The following HIVEP3 variants were observed in gnomAD, a reference collection of about 807,000 sequenced individuals.
HIVEP3 encodes transcription factor HIVEP3.
In HIVEP3, 49 loss-of-function variants were observed where a neutral mutation model predicts 152.8. The ratio of observed to expected loss-of-function variants is 0.32; its 90% CI spans 0.26 to 0.41. The LOEUF (loss-of-function observed/expected upper bound fraction) is 0.41. Ranked by LOEUF, HIVEP3 falls within the 10% of genes least tolerant of loss-of-function variation. HIVEP3 has a pLI of 1.00. For missense variants in HIVEP3, 2,790 were observed against 3,103.3 expected (o/e 0.90, Z 2.40); for synonymous variants, 1,269 against 1,289.0 (o/e 0.98, Z 0.33).
chr1:42,007,771 C>A (rs1645468367), intron 1 of HIVEP3, among the ~76,000 whole-genome samples: 1 of 151,936 alleles, frequency 6.6e-6, no homozygotes, highest in Non-Finnish European at 1.5e-5. Context: ...CCATAATATG[C>A]CAATATTTGT....
chr1:41,781,661 C>T (rs1570525446), intron 1 of HIVEP3, among the ~76,000 whole-genome samples: 1 of 152,318 alleles, frequency 6.6e-6, no homozygotes, highest in African/African-American at 2.4e-5. Flanking sequence ...TTCCCAGGGT[C>T]AATGGGATAG....
At chr1:42,013,892 C>T (rs1048048464) in intron 1 of HIVEP3, among the ~76,000 whole-genome samples, 1 of 152,150 alleles carries the variant, frequency 6.6e-6, no homozygotes, top group African/African-American at 2.4e-5. Flanking sequence ...TTACATTGCC[C>T]TCCATAATAT....
At chr1:41,977,477 G>A (rs1269350705) in intron 1 of HIVEP3, among the ~76,000 whole-genome samples, 1 of 152,140 alleles carries the variant, frequency 6.6e-6, no homozygotes, top group Non-Finnish European at 1.5e-5. Flanking sequence ...GCCAGCCGCC[G>A]GTGGAGGGAG....
At chr1:41,648,443 C>T (rs1482648276) in intron 2 of HIVEP3, among the ~76,000 whole-genome samples, 1 of 152,168 alleles carries the variant, frequency 6.6e-6, no homozygotes, top group Non-Finnish European at 1.5e-5. Flanking sequence ...GACTGGACCT[C>T]TGTGTGCCAG....
intron 1 of HIVEP3, among the ~76,000 whole-genome samples, chr1:41,871,506 G>A (rs1174727529): frequency 6.6e-6 from 1 of 152,010 alleles, no homozygotes; most frequent in Non-Finnish European, 1.5e-5. Context: ...GTTGCTTCAT[G>A]GAACTGAAAT....
intron 1 of HIVEP3, among the ~76,000 whole-genome samples, chr1:42,018,999 T>C (rs985655493): frequency 2.6e-5 from 4 of 152,076 alleles, no homozygotes; most frequent in Admixed American, 2.0e-4. Flanking sequence ...AGCTTGTCTG[T>C]TTTTATCTTG....
chr1:41,882,058 T>C (rs552123683), intron 1 of HIVEP3, among the ~76,000 whole-genome samples: 4 of 152,344 alleles, frequency 2.6e-5, no homozygotes, highest in East Asian at 1.9e-4. Context: ...TGGCTTAATG[T>C]TTTTGTAGAC....
chr1:41,672,823 CT>C (rs1645898408), intron 2 of HIVEP3, among the ~76,000 whole-genome samples: 2 of 152,196 alleles, frequency 1.3e-5, no homozygotes, highest in Admixed American at 1.3e-4. Flanking sequence ...GGGACCATGC[CT>C]GGATTCCCTT....
At chr1:41,532,678 CA>C (rs1643296919) in intron 5 of HIVEP3, among the ~76,000 whole-genome samples, 1 of 152,068 alleles carries the variant, frequency 6.6e-6, no homozygotes, top group Non-Finnish European at 1.5e-5. Flanking sequence ...AAGGAGAAAC[CA>C]AGATCCAGAA....
intron 3 of HIVEP3, among the ~76,000 whole-genome samples, chr1:41,617,647 A>G (rs1268582464): frequency 6.6e-6 from 1 of 152,228 alleles, no homozygotes; most frequent in Non-Finnish European, 1.5e-5. Context: ...TGCACAGGAG[A>G]TATCAACAGT....
chr1:41,720,154 G>T (rs1053134096), intron 1 of HIVEP3, among the ~76,000 whole-genome samples: 1 of 152,026 alleles, frequency 6.6e-6, no homozygotes, highest in Non-Finnish European at 1.5e-5. Context: ...CATCTACATC[G>T]CAGATGCCAA....
chr1:41,895,079 C>T (rs1468957524), intron 1 of HIVEP3, among the ~76,000 whole-genome samples: 1 of 151,864 alleles, frequency 6.6e-6, no homozygotes, highest in African/African-American at 2.4e-5. Flanking sequence ...AAGATAAGCC[C>T]CACGCTGGAA....
chr1:41,721,690 A>G (rs1364998420), intron 1 of HIVEP3, among the ~76,000 whole-genome samples: 2 of 152,234 alleles, frequency 1.3e-5, no homozygotes, highest in African/African-American at 4.8e-5. Context: ...TGAAGGAAGT[A>G]TCATTATCAT....
chr1:41,589,076 T>C (rs1241982448), intron 3 of HIVEP3, among the ~76,000 whole-genome samples: 1 of 152,170 alleles, frequency 6.6e-6, no homozygotes, highest in East Asian at 1.9e-4. Context: ...CTACCTTCTG[T>C]GGTTCTGAGG....
chr1:41,795,123 A>G (rs745540486), intron 1 of HIVEP3, among the ~76,000 whole-genome samples: 3 of 152,222 alleles, frequency 2.0e-5, no homozygotes, highest in Non-Finnish European at 2.9e-5. Context: ...GATTTCACCA[A>G]TGTTTTCTTG....
chr1:41,596,503 G>A (rs1330784456), intron 3 of HIVEP3, among the ~76,000 whole-genome samples: 1 of 152,224 alleles, frequency 6.6e-6, no homozygotes, highest in Non-Finnish European at 1.5e-5. Flanking sequence ...CAGTTCATCA[G>A]TGTCTTCCAG....
chr1:41,895,924 C>T (rs970809632), intron 1 of HIVEP3, among the ~76,000 whole-genome samples: 1 of 152,202 alleles, frequency 6.6e-6, no homozygotes, highest in African/African-American at 2.4e-5. Flanking sequence ...TTGGTACCCT[C>T]AGTTATTAAA....
At chr1:41,638,328 AAGAAAG>A (rs1395195288) in intron 2 of HIVEP3, among the ~76,000 whole-genome samples, 2,238 of 45,238 alleles carry the variant, frequency 0.049, 19 homozygotes, top group Non-Finnish European at 0.071. Context: ...GAAAGAAAGA[AAGAAAG>A]GGAGAGAGAG....
chr1:41,981,417 G>C (rs980525665), intron 1 of HIVEP3, among the ~76,000 whole-genome samples: 1 of 152,122 alleles, frequency 6.6e-6, no homozygotes, highest in South Asian at 2.1e-4. Flanking sequence ...AGCCGGCTCC[G>C]TCGGGGGCAG....
Sources: gnomAD v4.1 joint callset for allele counts (sites outside exome capture counted in the v4.1 genomes callset) on GRCh38, gnomAD v4.1.1 for gene constraint, MANE v1.5 for transcripts, NCBI Gene and HGNC (gene_info 2026-07-23, HGNC 2026-07-21) for gene names.